PCDHGB3: variants seen among roughly 807,000 people sequenced by gnomAD.
The protein encoded by PCDHGB3 is protocadherin gamma subfamily B, 3.
Under a neutral mutation model 59.2 loss-of-function variants are expected in PCDHGB3, and 40 were observed. The observed-to-expected ratio is 0.68, with a 90% CI of 0.52 to 0.88. The LOEUF is 0.88. PCDHGB3 is among the 40% of genes least tolerant of loss of function. The pLI, the probability that PCDHGB3 is intolerant of heterozygous loss-of-function variation, is 0.00. For synonymous variants in PCDHGB3, 581 were observed against 503.6 expected, an observed-to-expected ratio of 1.15 and a Z score of -2.06; for missense variants, 1,309 against 1,187.9, an observed-to-expected ratio of 1.10 and a Z score of -1.50.
chr5:141,428,057 G>T, intron 1 of PCDHGB3: 1 of 1,609,044 alleles, frequency 6.2e-7, no homozygotes, highest in Non-Finnish European at 8.5e-7. Flanking sequence ...AGGTGGTGGC[G>T]GTGGACGCAG....
At chr5:141,447,937 T>A (rs1036604034) in intron 1 of PCDHGB3, among the ~76,000 whole-genome samples, 1 of 151,852 alleles carries the variant, frequency 6.6e-6, no homozygotes, top group Non-Finnish European at 1.5e-5. Context: ...AATACAAAAA[T>A]TAGCTGGGCA....
chr5:141,398,874 C>G (rs1384943457), intron 1 of PCDHGB3: 1 of 1,613,978 alleles, frequency 6.2e-7, no homozygotes, highest in South Asian at 1.1e-5. Context: ...TGTACAGAGT[C>G]AGCCTTCGGG....
At position 141,486,530 on chromosome 5, in the gene PCDHGB3, C is replaced by T; in HGVS notation, c.2416-8277C>T. 6.2e-7 allele frequency: 1 copy of T among 1,614,174 alleles called. No homozygotes were observed. The highest frequency in any genetic ancestry group is 8.5e-7 in the Non-Finnish European group (1 of 1,180,022). On this transcript the variant is annotated intron_variant, in intron 1 of 3. Transcript: ENST00000576222. The surrounding 1 kb of genome is among the most constrained non-coding windows in gnomAD (Gnocchi z 5.0). Reference sequence around the variant, plus strand: ...TATTTCAGATGTGAATGATAATCCACCCTCTTTCTTTCAGAGGTCACATGA... The same window carrying T: ...TATTTCAGATGTGAATGATAATCCATCCTCTTTCTTTCAGAGGTCACATGA...
chr5:141,486,555 A>T lies in PCDHGB3; in HGVS notation c.2416-8252A>T, dbSNP rs746001345. The T allele has an allele frequency of 6.2e-6, 10 of 1,614,078 alleles. No individual in the cohort carries two copies. Among genetic ancestry groups the T allele is most frequent in the Non-Finnish European group, 7.6e-6 (9 of 1,180,022 alleles). ...CCCTCTTTCTTTCAGAGGTCACATGAGGTGTTTGTTCCTGAGAACAATCGC... is the reference window on the plus strand; with the variant it reads ...CCCTCTTTCTTTCAGAGGTCACATGTGGTGTTTGTTCCTGAGAACAATCGC... On this transcript the variant is annotated intron_variant, in intron 1 of 3. Transcript: ENST00000576222. This position sits in a 1 kb window ranked among gnomAD's most constrained non-coding sequence, Gnocchi z 5.0.
At chr5:141,502,815 TTTCC>T in intron 2 of PCDHGB3, among the ~76,000 whole-genome samples, 1 of 151,372 alleles carries the variant, frequency 6.6e-6, no homozygotes, top group East Asian at 1.9e-4. Context: ...TTCACTGTCT[TTTCC>T]TTGGGGAAGC....
intron 1 of PCDHGB3, among the ~76,000 whole-genome samples, chr5:141,435,715 A>T (rs528951395): frequency 5.9e-5 from 9 of 152,210 alleles, no homozygotes; most frequent in Non-Finnish European, 1.0e-4. Context: ...ACAGACACTG[A>T]ATGCTAAAGT....
chr5:141,449,389 T>C (rs577860793), intron 1 of PCDHGB3, among the ~76,000 whole-genome samples: 5 of 151,964 alleles, frequency 3.3e-5, no homozygotes, highest in African/African-American at 1.2e-4. Flanking sequence ...GGTGGATTAC[T>C]TGAGGCCAGG....
intron 1 of PCDHGB3, among the ~76,000 whole-genome samples, chr5:141,460,804 T>C (rs2098998238): frequency 1.3e-5 from 2 of 152,020 alleles, no homozygotes; most frequent in African/African-American, 4.8e-5. Flanking sequence ...AGTATATATA[T>C]GTATGTATAC....
intron 2 of PCDHGB3, among the ~76,000 whole-genome samples, chr5:141,502,719 C>G (rs1242423173): frequency 1.3e-5 from 2 of 152,190 alleles, no homozygotes; most frequent in Non-Finnish European, 2.9e-5. Flanking sequence ...TCAGTGATTA[C>G]AAAGCGGTGA....
Position 141,490,481 on chromosome 5 carries a change from G to A in PCDHGB3, c.2416-4326G>A, listed in dbSNP as rs771164683. 8.7e-6 allele frequency: 14 copies of A among 1,614,060 alleles called. No homozygotes were observed. The highest frequency in any genetic ancestry group is 4.0e-5 in the African/African-American group (3 of 74,928). ...CTGCTAACCAGCCAGCCTTTGGACCGGGAGGCCACATCCCACTATATCATC... is the reference window on the plus strand; with the variant it reads ...CTGCTAACCAGCCAGCCTTTGGACCAGGAGGCCACATCCCACTATATCATC... On this transcript the variant is annotated intron_variant, in intron 1 of 3. Transcript: ENST00000576222. The surrounding 1 kb of genome is among the most constrained non-coding windows in gnomAD (Gnocchi z 5.4).
chr5:141,371,427 C>G lies in PCDHGB3; in HGVS notation c.1033C>G (p.Pro345Ala), dbSNP rs773502490. ...IDISDENDNA[P>A]EITLASESQH... The stretch of plus-strand genomic sequence containing the variant: ...TATTTCAGATGAAAATGACAATGCC[C>G]CGGAGATAACCCTGGCTTCTGAATC... Residue 345 changes from proline to alanine, a missense_variant, in exon 1 of 4, where the codon CCG (proline) becomes GCG (alanine). By Grantham distance (27) the Pro-to-Ala change is conservative. Transcript: ENST00000576222. 1.9e-6 allele frequency: 3 copies of G among 1,613,898 alleles called. No homozygotes were observed. Among genetic ancestry groups the G allele is most frequent in the South Asian group, 2.2e-5 (2 of 91,072 alleles).
At chr5:141,380,731 T>C (rs1776694872) in intron 1 of PCDHGB3, among the ~76,000 whole-genome samples, 1 of 152,266 alleles carries the variant, frequency 6.6e-6, no homozygotes, top group Non-Finnish European at 1.5e-5. Flanking sequence ...TTATTTCCTT[T>C]TCTCCAAAGA....
At chr5:141,496,817 T>C (rs2099771666) in intron 2 of PCDHGB3, among the ~76,000 whole-genome samples, 1 of 151,020 alleles carries the variant, frequency 6.6e-6, no homozygotes, top group Non-Finnish European at 1.5e-5. Flanking sequence ...AGTGAACAAG[T>C]AGATGTGATC....
chr5:141,451,284 G>A (rs950768919), intron 1 of PCDHGB3, among the ~76,000 whole-genome samples: 1 of 152,186 alleles, frequency 6.6e-6, no homozygotes. Context: ...GAGTGCCTCT[G>A]CCTCAAAGTC....
Position 141,372,684 on chromosome 5 carries a change from G to T in PCDHGB3, c.2290G>T (p.Glu764Ter). 6.2e-6 allele frequency: 10 copies of T among 1,613,968 alleles called. No individual in the cohort carries two copies. Among genetic ancestry groups the T allele is most frequent in the Non-Finnish European group, 8.5e-6 (10 of 1,179,898 alleles). Residue 764 changes from glutamate to a stop codon, truncating the protein, a stop_gained, in exon 1 of 4, where the codon GAG (glutamate) becomes TAG (stop). Transcript: ENST00000576222. LOFTEE classifies it high-confidence loss of function. ...TGCTGCCTCACATTCCTCAAACACC[G>T]AGTTTAAATTTCTCAATATAAAGGC... ...PCAASHSSNT[E>*]FKFLNIKAEN... is the part of the protein sequence containing the mutation.
At chr5:141,464,411 A>G (rs1029342220) in intron 1 of PCDHGB3, among the ~76,000 whole-genome samples, 3 of 151,624 alleles carry the variant, frequency 2.0e-5, no homozygotes, top group Admixed American at 6.6e-5. Flanking sequence ...AGATATATAT[A>G]TATCTATATA....
At chr5:141,464,137 C>T (rs1015442185) in intron 1 of PCDHGB3, among the ~76,000 whole-genome samples, 9 of 151,928 alleles carry the variant, frequency 5.9e-5, no homozygotes, top group Non-Finnish European at 7.4e-5. Context: ...TGGTGGTGGG[C>T]GCCTGTAGTC....
intron 1 of PCDHGB3, among the ~76,000 whole-genome samples, chr5:141,435,383 G>A (rs1057246190): frequency 6.6e-6 from 1 of 152,016 alleles, no homozygotes; most frequent in South Asian, 2.1e-4. Flanking sequence ...ACAATATACC[G>A]TATTGCCATG....
chr5:141,410,414 G>A lies in PCDHGB3; in HGVS notation c.2415+37605G>A, dbSNP rs201698858. On this transcript the variant is annotated intron_variant, in intron 1 of 3. Coordinates refer to ENST00000576222, the MANE Select transcript of PCDHGB3 (RefSeq NM_018924.5). ...TGGTCTCTGTGTCAAGTCTGGACCT[G>A]TAGTTCCCCCCAACTACAGTGAGGG... 2.0e-4 allele frequency: 326 copies of A among 1,613,916 alleles called. 1 individual carries two copies. The highest frequency in any genetic ancestry group is 2.7e-4 in the Non-Finnish European group (315 of 1,179,910).
Sources: allele counts gnomAD v4.1 joint callset (sites outside exome capture counted in the v4.1 genomes callset), GRCh38; gene constraint gnomAD v4.1.1; non-coding constraint Gnocchi (gnomAD v3.1); transcripts MANE v1.5; gene names NCBI Gene and HGNC (gene_info 2026-07-23, HGNC 2026-07-21).